The following PDGFA variants were observed in gnomAD, a reference collection of about 807,000 sequenced individuals.
PDGFA encodes platelet derived growth factor subunit A.
A neutral mutation model predicts 25.6 loss-of-function variants in PDGFA; 9 were observed. That is an observed-to-expected ratio of 0.35 (90% CI 0.21 to 0.61). PDGFA has a LOEUF of 0.61. PDGFA is among the 20% of genes least tolerant of loss of function. The probability of loss-of-function intolerance (pLI) is 0.75; values close to 1 mark genes in which losing one functional copy is unlikely to be tolerated. For missense variants in PDGFA, 242 were observed against 272.8 expected, an observed-to-expected ratio of 0.89 and a Z score of 0.79; for synonymous variants, 133 against 111.8, an observed-to-expected ratio of 1.19 and a Z score of -1.20.
chr7:499,280 T>C (rs990617993), intron 5 of PDGFA, among the ~76,000 whole-genome samples: 2 of 152,242 alleles, frequency 1.3e-5, no homozygotes, highest in Non-Finnish European at 2.9e-5. Flanking sequence ...AGTCCTGGAC[T>C]GCTTCAAAGA....
chr7:512,845 A>C (rs1583155741), intron 2 of PDGFA: 2 of 340,964 alleles, frequency 5.9e-6, no homozygotes, highest in Non-Finnish European at 1.1e-5. Flanking sequence ...AGCTCCGTGC[A>C]CCTCCCCGAG....
At chr7:497,360 T>A (rs761407853) in exon 6 of PDGFA, 70 of 151,852 alleles carry the variant, frequency 4.6e-4, no homozygotes, top group African/African-American at 1.6e-3. Context: ...ACATACAAAC[T>A]TCACCTTTAC....
At chr7:516,934 C>A (rs1783129727) in intron 2 of PDGFA, among the ~76,000 whole-genome samples, 1 of 151,868 alleles carries the variant, frequency 6.6e-6, no homozygotes, top group African/African-American at 2.4e-5. Context: ...ACAGAGGGGG[C>A]CGGGCCCTGA....
At chr7:513,383 C>T (rs1322385951) in intron 2 of PDGFA, 1 of 150,384 alleles carries the variant, frequency 6.6e-6, no homozygotes, top group African/African-American at 2.4e-5. Context: ...TCTCCAAATC[C>T]CGCAGTAGGG....
At chr7:514,789 C>CTG (rs1031453956) in intron 2 of PDGFA, among the ~76,000 whole-genome samples, 99 of 152,370 alleles carry the variant, frequency 6.5e-4, no homozygotes, top group African/African-American at 2.3e-3. Flanking sequence ...CAAACAGGCC[C>CTG]TAAACGCGGG....
chr7:498,245 C>T (rs1782181438), exon 6 of PDGFA: 3 of 413,800 alleles, frequency 7.2e-6, no homozygotes, highest in Admixed American at 3.8e-5. Flanking sequence ...CGGGGCGACC[C>T]TCCATCTCAT....
exon 6 of PDGFA, chr7:497,950 AAAAAAAAAC>A (rs1562481592): frequency 3.5e-5 from 4 of 113,318 alleles, no homozygotes; most frequent in East Asian, 2.5e-4. Flanking sequence ...AAAAAAAAAA[AAAAAAAAAC>A]AAAAAAAAAA....
exon 1 of PDGFA, chr7:519,134 C>T: frequency 1.6e-6 from 1 of 608,800 alleles, no homozygotes; most frequent in East Asian, 3.4e-5. Context: ...GCGCGGGGAG[C>T]ACGGAGCTGG....
rs576365964 is a variant in PDGFA, at chr7:514,429, C to T, written c.161-1974G>A. On this transcript the variant is annotated intron_variant, in intron 2 of 5. Transcript: ENST00000402802. Reference sequence around the variant, plus strand: ...GGAATAGCTCCCAGTCTACCAAGCCCACCCTTTGCTCCCAGCTCAAGATGC... The same window carrying T: ...GGAATAGCTCCCAGTCTACCAAGCCTACCCTTTGCTCCCAGCTCAAGATGC... Among the ~76,000 whole-genome samples, 6 of 152,292 alleles carry T rather than the reference C, an allele frequency of 3.9e-5. No homozygotes were observed. The South Asian group carries it at 1.2e-3, about 32-fold the overall frequency.
rs1430346014 is a variant in PDGFA, at chr7:511,296, G to C, written c.266-300C>G. Among the ~76,000 whole-genome samples, 227 of 67,124 alleles carry C rather than the reference G, an allele frequency of 3.4e-3. 3 individuals carry two copies. The highest frequency in any genetic ancestry group is 0.011 in the African/African-American group (134 of 12,308). 44.0% of individuals were successfully genotyped at this position (67,124 alleles called of 152,430 possible). ...GGTGGGGCCAGTGGCTGGGGGTGGG[G>C]AGAGGGGAACTTAGTCCAGGTGGGG... On this transcript the variant is annotated intron_variant, in intron 3 of 5. Transcript: ENST00000402802.
intron 4 of PDGFA, among the ~76,000 whole-genome samples, chr7:503,154 T>C (rs9692205): frequency 0.55 from 83,851 of 151,556 alleles, 23,401 homozygotes; most frequent in Non-Finnish European, 0.59. Context: ...GCAGGCAAGC[T>C]CTAACTAAGC....
At chr7:519,738 G>T (rs1194592049), upstream of PDGFA, among the ~76,000 whole-genome samples, 4 of 146,100 alleles carry the variant, frequency 2.7e-5, no homozygotes, top group Non-Finnish European at 4.6e-5. Context: ...GAGGGCGGGC[G>T]CAAGGCCGAG....
chr7:512,789 GCC>G, intron 2 of PDGFA: 1 of 653,890 alleles, frequency 1.5e-6, no homozygotes, highest in Non-Finnish European at 2.2e-6. Context: ...CTCCAAGGTA[GCC>G]CAGGTGAGGG....
At chr7:499,676 G>C (rs1253892975) in intron 5 of PDGFA, among the ~76,000 whole-genome samples, 1 of 132,046 alleles carries the variant, frequency 7.6e-6, no homozygotes. Context: ...AAAGTCACTG[G>C]GTGGGATTTC....
intron 4 of PDGFA, among the ~76,000 whole-genome samples, chr7:503,253 G>T (rs1296066511): frequency 6.6e-6 from 1 of 152,198 alleles, no homozygotes; most frequent in Non-Finnish European, 1.5e-5. Flanking sequence ...AGGCCCTGGG[G>T]AGCTGAGCAC....
At chr7:515,651 G>A (rs1219196293) in intron 2 of PDGFA, among the ~76,000 whole-genome samples, 1 of 152,140 alleles carries the variant, frequency 6.6e-6, no homozygotes, top group Non-Finnish European at 1.5e-5. Flanking sequence ...ACCTCTCACG[G>A]ACACAGGAGG....
intron 4 of PDGFA, among the ~76,000 whole-genome samples, chr7:510,450 G>T (rs1030580535): frequency 1.3e-5 from 2 of 150,976 alleles, no homozygotes; most frequent in African/African-American, 2.4e-5. Context: ...GGATGCGTGA[G>T]GGACCCTGGC....
rs1782781732 is a variant in PDGFA at position 510,755 on chromosome 7, AGGGGAGAGGAGAGGAGG to A, written c.453+37_453+53del. The A allele has an allele frequency of 1.9e-5, 8 of 425,906 alleles. No homozygotes were observed. In the African/African-American group the frequency reaches 4.2e-4, roughly 22 times the overall value. The allele number at this position is 425,906 out of a possible 1,614,324, so 26.4% of individuals were successfully genotyped here. ...AGGGGAGGGGAGAGGAGAGGAGGGGAGGGGAGAGGAGAGGAGGGGAGGGGAGGGGAGGGGAGGGGAGG... is the reference window on the plus strand; with the variant it reads ...AGGGGAGGGGAGAGGAGAGGAGGGGAGGAGGGGAGGGGAGGGGAGGGGAGG... On this transcript the variant is annotated intron_variant, in intron 4 of 5. Transcript: ENST00000402802.
At chr7:515,216 C>T (rs933357057) in intron 2 of PDGFA, among the ~76,000 whole-genome samples, 4 of 152,178 alleles carry the variant, frequency 2.6e-5, no homozygotes, top group African/African-American at 7.2e-5. Context: ...AAGTTCGTTG[C>T]GTTGGGTTTC....
Sources: gnomAD v4.1 joint callset for allele counts (sites outside exome capture counted in the v4.1 genomes callset) on GRCh38, gnomAD v4.1.1 for gene constraint, MANE v1.5 for transcripts, NCBI Gene and HGNC (gene_info 2026-07-23, HGNC 2026-07-21) for gene names.